MECOM: variants seen among roughly 807,000 people sequenced by gnomAD.
MECOM encodes histone-lysine N-methyltransferase MECOM.
A neutral mutation model predicts 116.3 loss-of-function variants in MECOM; 13 were observed. The ratio of observed to expected loss-of-function variants is 0.11; its 90% CI spans 0.07 to 0.18. MECOM has a LOEUF of 0.18. MECOM is among the 10% of genes least tolerant of loss of function. The pLI is 1.00. For missense variants in MECOM, 1,299 were observed against 1,509.0 expected (o/e 0.86, Z 2.31); for synonymous variants, 528 against 535.2 (o/e 0.99, Z 0.19).
chr3:169,508,451 C>T (rs1755567426), intron 1 of MECOM, among the ~76,000 whole-genome samples: 1 of 151,620 alleles, frequency 6.6e-6, no homozygotes, highest in South Asian at 2.1e-4. Flanking sequence ...AAAGTTTAAG[C>T]TTCTGAAAAT....
intron 4 of MECOM, among the ~76,000 whole-genome samples, chr3:169,128,853 A>G (rs1733748191): frequency 6.6e-6 from 1 of 152,178 alleles, no homozygotes; most frequent in Non-Finnish European, 1.5e-5. Flanking sequence ...TCAGGTAGTG[A>G]TGGCATTGTT....
chr3:169,334,262 G>A lies in MECOM; in HGVS notation c.375+46925C>T, dbSNP rs555990304. Among the ~76,000 whole-genome samples, 5 of 152,214 alleles carry A rather than the reference G, an allele frequency of 3.3e-5. No individual in the cohort carries two copies. The South Asian group carries it at 6.2e-4, about 19-fold the overall frequency. On this transcript the variant is annotated intron_variant, in intron 2 of 16. Coordinates refer to ENST00000651503, the MANE Select transcript of MECOM (RefSeq NM_004991.4). ...CTGGAATCAATTCTGCTGCTCAAAA[G>A]GAAATTGTACAGAAAGAGGCAATGC...
At chr3:169,263,280 C>T (rs1176275668) in intron 2 of MECOM, among the ~76,000 whole-genome samples, 6 of 150,762 alleles carry the variant, frequency 4.0e-5, no homozygotes, top group Admixed American at 6.6e-5. Flanking sequence ...AGGCGCCCGC[C>T]ACCATGCTCG....
chr3:169,559,885 A>G (rs920908127), intron 1 of MECOM, among the ~76,000 whole-genome samples: 3 of 152,236 alleles, frequency 2.0e-5, no homozygotes, highest in Non-Finnish European at 4.4e-5. Flanking sequence ...ACTGACTTGT[A>G]AAGGAACTTT....
At chr3:169,591,215 A>T (rs752784680) in intron 1 of MECOM, among the ~76,000 whole-genome samples, 1 of 152,234 alleles carries the variant, frequency 6.6e-6, no homozygotes, top group Non-Finnish European at 1.5e-5. Context: ...AGAACTGGGA[A>T]TCAATAACAG....
intron 2 of MECOM, chr3:169,145,504 T>C (rs1477438433): frequency 4.3e-6 from 1 of 230,178 alleles, no homozygotes; most frequent in African/African-American, 2.2e-5. Flanking sequence ...TGATCTTTTG[T>C]TGTTTGTTTC....
intron 2 of MECOM, among the ~76,000 whole-genome samples, chr3:169,207,616 G>A (rs537814624): frequency 1.3e-5 from 2 of 152,286 alleles, no homozygotes; most frequent in South Asian, 4.1e-4. Flanking sequence ...GAGAAAGAGT[G>A]TGGATTACTT....
At chr3:169,453,779 A>G (rs958277211) in intron 1 of MECOM, among the ~76,000 whole-genome samples, 6 of 152,064 alleles carry the variant, frequency 3.9e-5, no homozygotes, top group Admixed American at 3.3e-4. Context: ...AACTATTTTT[A>G]TGATTGTTTG....
At chr3:169,341,794 T>G (rs1234777650) in intron 2 of MECOM, among the ~76,000 whole-genome samples, 2 of 150,808 alleles carry the variant, frequency 1.3e-5, no homozygotes, top group Admixed American at 1.3e-4. Context: ...CACAACAAGG[T>G]GTCTATAATG....
intron 1 of MECOM, among the ~76,000 whole-genome samples, chr3:169,596,408 T>C (rs1172202928): frequency 6.6e-6 from 1 of 152,334 alleles, no homozygotes; most frequent in South Asian, 2.1e-4. Context: ...AAGTACATTA[T>C]TAATTGAAAT....
In MECOM at chr3:169,115,837, C is replaced by T. The variant is rs763071976; in HGVS notation, c.2035G>A (p.Val679Met). 2 of 1,614,086 alleles carry T rather than the reference C, an allele frequency of 1.2e-6. No individual in the cohort carries two copies. The highest frequency in any genetic ancestry group is 8.5e-7 in the Non-Finnish European group (1 of 1,180,034). The change falls in exon 8 of 17, where the codon GTG becomes ATG. Residue 679 changes from valine to methionine, a missense_variant. Val to Met is a conservative substitution (Grantham distance 21). Around this residue, in one of 6 missense-constraint regions of MECOM, gnomAD observed 340 missense variants for 312.6 expected, o/e 1.09. Transcript: ENST00000651503. Reference protein sequence around the residue: ...AEKYFGSTGLVGLQDKKVGAL... With the variant: ...AEKYFGSTGLMGLQDKKVGAL... ...CCAACTTTTTTGTCTTGCAGCCCCA[C>T]CAGTCCTGTTGAACCAAAGTATTTT... is the stretch of plus-strand genomic sequence containing the variant.
chr3:169,628,156 G>C (rs1771615330), intron 1 of MECOM, among the ~76,000 whole-genome samples: 1 of 152,180 alleles, frequency 6.6e-6, no homozygotes, highest in South Asian at 2.1e-4. Flanking sequence ...CTCTGAGCCA[G>C]GAATTCCCAC....
chr3:169,418,543 C>A (rs919088558), intron 1 of MECOM, among the ~76,000 whole-genome samples: 2 of 152,144 alleles, frequency 1.3e-5, no homozygotes, highest in African/African-American at 4.8e-5. Flanking sequence ...AAAAGCTTAT[C>A]CACTATGATC....
chr3:169,464,592 TG>T (rs1376286059), intron 1 of MECOM, among the ~76,000 whole-genome samples: 1 of 152,152 alleles, frequency 6.6e-6, no homozygotes, highest in Admixed American at 6.6e-5. Context: ...GGGCATTACA[TG>T]GGGAAAAGTG....
intron 1 of MECOM, among the ~76,000 whole-genome samples, chr3:169,399,224 T>G (rs1005115926): frequency 6.6e-6 from 1 of 152,134 alleles, no homozygotes; most frequent in Non-Finnish European, 1.5e-5. Context: ...TGAACCAACT[T>G]TTACGCACAT....
Position 169,485,968 on chromosome 3 carries a change from A to G in MECOM, c.38-104444T>C, listed in dbSNP as rs1430430464. Among the ~76,000 whole-genome samples, 550 of 97,028 alleles carry G rather than the reference A, an allele frequency of 5.7e-3. 1 individual carries two copies. Among genetic ancestry groups the G allele is most frequent in the African/African-American group, 0.021 (444 of 21,418 alleles). The allele number at this position is 97,028 out of a possible 152,430, so 63.7% of individuals were successfully genotyped here. Reference sequence around the variant, plus strand: ...ATGTATATATGTACATATATACTATATATACATATATATATAGTATATATA... The same window carrying G: ...ATGTATATATGTACATATATACTATGTATACATATATATATAGTATATATA... On this transcript the variant is annotated intron_variant, in intron 1 of 16. Transcript: ENST00000651503.
At chr3:169,118,320 G>A (rs1422904975) in intron 7 of MECOM, among the ~76,000 whole-genome samples, 1 of 152,112 alleles carries the variant, frequency 6.6e-6, no homozygotes, top group African/African-American at 2.4e-5. Context: ...ACGTTACAGA[G>A]GCTGTAACAT....
intron 2 of MECOM, among the ~76,000 whole-genome samples, chr3:169,346,589 T>C (rs184076877): frequency 6.9e-4 from 105 of 151,942 alleles, no homozygotes; most frequent in Non-Finnish European, 7.5e-4. Context: ...AGTCATTTTA[T>C]GTCAGCAAGC....
Position 169,217,955 on chromosome 3 carries a change from A to G in MECOM, c.376-74123T>C, listed in dbSNP as rs557400476. 1.1e-3 allele frequency among the ~76,000 whole-genome samples: 164 copies of G among 151,518 alleles called. 1 individual carries two copies. The highest frequency in any genetic ancestry group is 3.8e-3 in the African/African-American group (157 of 41,422). On this transcript the variant is annotated intron_variant, in intron 2 of 16. Coordinates refer to ENST00000651503, the MANE Select transcript of MECOM (RefSeq NM_004991.4). ...CAGAATTTACAACATGGCCTTGACA[A>G]CAATTTTATTATACATCCTAAATTA...
Sources: gnomAD v4.1 joint callset for allele counts (sites outside exome capture counted in the v4.1 genomes callset) on GRCh38, gnomAD v4.1.1 for gene constraint, gnomAD v4.1.1 regional missense constraint, MANE v1.5 for transcripts, NCBI Gene and HGNC (gene_info 2026-07-23, HGNC 2026-07-21) for gene names.